Variants in DBT observed in about 807,000 individuals in gnomAD.
DBT encodes the protein lipoamide acyltransferase component of branched-chain alpha-keto acid dehydrogenase complex, mitochondrial.
Under a neutral mutation model 51.3 loss-of-function variants are expected in DBT, and 40 were observed. The ratio of observed to expected loss-of-function variants is 0.78; its 90% CI spans 0.61 to 1.02. The LOEUF is 1.02. DBT is among the 50% of genes least tolerant of loss of function. The probability of loss-of-function intolerance (pLI) is 0.00; values close to 1 mark genes in which losing one functional copy is unlikely to be tolerated. For synonymous variants in DBT, 181 were observed against 190.4 expected (o/e 0.95, Z 0.41); for missense variants, 510 against 580.2 (o/e 0.88, Z 1.24).
At chr1:100,215,029 T>A in intron 6 of DBT, 46 bp from the exon 7 acceptor site, 20 of 1,257,636 alleles carry the variant, frequency 1.6e-5, no homozygotes, top group Non-Finnish European at 2.2e-5. Context: ...TTCTCAAATC[T>A]CTTCATCCTT....
chr1:100,249,796 T>G lies in DBT; in HGVS notation c.25A>C (p.Thr9Pro). MAAVRMLRTWSRNAGKLIC... is the reference protein window; with the variant it reads MAAVRMLRPWSRNAGKLIC... ...AGCTTCCCCGCATTCCTGCTCCAGG[T>G]TCTCAGCATACGGACTGCAGCCATC... is the stretch of plus-strand genomic sequence containing the variant. Residue 9 changes from threonine (T) to proline (P), a missense_variant, in exon 1 of 11, where the codon ACC (threonine) becomes CCC (proline). Transcript: ENST00000370132. 6.2e-7 allele frequency: 1 copy of G among 1,614,192 alleles called. No homozygotes were observed. Among genetic ancestry groups the G allele is most frequent in the Non-Finnish European group, 8.5e-7 (1 of 1,180,018 alleles).
At chr1:100,203,554 T>A (rs1661575827) in intron 10 of DBT, among the ~76,000 whole-genome samples, 1 of 152,178 alleles carries the variant, frequency 6.6e-6, no homozygotes, top group Admixed American at 6.5e-5. Context: ...CTTCTGAAAC[T>A]ATTCCAAACA....
At chr1:100,231,640 C>T (rs1663560704) in intron 3 of DBT, among the ~76,000 whole-genome samples, 2 of 152,186 alleles carry the variant, frequency 1.3e-5, no homozygotes, top group Non-Finnish European at 2.9e-5. Flanking sequence ...GATAAAACAG[C>T]ACCCATGACA....
rs2101812091 is a variant in DBT, at chr1:100,188,389, C to A, written c.*7866G>T. ...TTTATAGCTGACTGCACTCTTAGAACTTCTCTACAGACTTTATGATCTTTT... is the reference window on the plus strand; with the variant it reads ...TTTATAGCTGACTGCACTCTTAGAAATTCTCTACAGACTTTATGATCTTTT... On this transcript the variant is annotated 3_prime_UTR_variant, in exon 11 of 11. Transcript: ENST00000370132. 1 of 152,306 alleles carries A rather than the reference C, an allele frequency of 6.6e-6. No homozygotes were observed. Among genetic ancestry groups the A allele is most frequent in the South Asian group, 2.1e-4 (1 of 4,822 alleles). 9.4% of individuals were successfully genotyped at this position (152,306 alleles called of 1,614,324 possible).
chr1:100,225,995 AAAAAC>A (rs888223659), intron 4 of DBT, among the ~76,000 whole-genome samples: 4 of 152,272 alleles, frequency 2.6e-5, no homozygotes, highest in East Asian at 1.9e-4. Flanking sequence ...CCCCATGTCA[AAAAAC>A]AAAACAAAAC....
At chr1:100,240,584 G>C (rs995077066) in intron 2 of DBT, among the ~76,000 whole-genome samples, 177 bp downstream of exon 2, 5 of 152,274 alleles carry the variant, frequency 3.3e-5, no homozygotes, top group Middle Eastern at 6.8e-3. Flanking sequence ...ATGTAAAAGA[G>C]AGGGATGAGA....
chr1:100,224,153 A>G (rs1420663252), intron 4 of DBT, among the ~76,000 whole-genome samples: 1 of 152,168 alleles, frequency 6.6e-6, no homozygotes, highest in Admixed American at 6.5e-5. Flanking sequence ...TCTAGTCTTG[A>G]TCTCTTCTAC....
At chr1:100,215,702 A>G (rs908419910) in intron 6 of DBT, among the ~76,000 whole-genome samples, 11 of 152,040 alleles carry the variant, frequency 7.2e-5, no homozygotes, top group African/African-American at 2.4e-4. Context: ...TGCACCTGTA[A>G]TCCCAGATAC....
In DBT at chr1:100,191,972, T is replaced by C. The variant is rs1366995623; in HGVS notation, c.*4283A>G. On this transcript the variant is annotated 3_prime_UTR_variant, in exon 11 of 11. Coordinates refer to ENST00000370132, the MANE Select transcript of DBT (RefSeq NM_001918.5). ...TAATTTTTTTTTTTTTTGGTATTTT[T>C]TGTTTTTTGGTTTTTTTGGTAGAGC... 1 of 151,958 alleles carries C rather than the reference T, an allele frequency of 6.6e-6. No individual in the cohort carries two copies. The highest frequency in any genetic ancestry group is 1.5e-5 in the Non-Finnish European group (1 of 68,046). 9.4% of individuals were successfully genotyped at this position (151,958 alleles called of 1,614,324 possible).
At chr1:100,220,763 T>C (rs1662803877) in intron 4 of DBT, among the ~76,000 whole-genome samples, 1 of 152,250 alleles carries the variant, frequency 6.6e-6, no homozygotes, top group Admixed American at 6.5e-5. Context: ...AATTCAGTCC[T>C]AGGGCTGACT....
intron 4 of DBT, among the ~76,000 whole-genome samples, chr1:100,221,075 A>G (rs1473762155): frequency 6.6e-6 from 1 of 152,228 alleles, no homozygotes; most frequent in East Asian, 1.9e-4. Flanking sequence ...AATATATAAC[A>G]TACAAAAATT....
rs1171633223 is a variant in DBT, at chr1:100,193,620, T to C, written c.*2635A>G. ...AGACATTTATTTATTTATTTATTTA[T>C]TTAGAGACAGAGTCTCGCTCTATCA... On this transcript the variant is annotated 3_prime_UTR_variant, in exon 11 of 11. Transcript: ENST00000370132. 2 of 152,220 alleles carry C rather than the reference T, an allele frequency of 1.3e-5. No homozygotes were observed. Among genetic ancestry groups the C allele is most frequent in the African/African-American group, 2.4e-5 (1 of 41,442 alleles). 9.4% of individuals were successfully genotyped at this position (152,220 alleles called of 1,614,324 possible).
chr1:100,220,502 T>C (rs1246557878), intron 4 of DBT, among the ~76,000 whole-genome samples: 2 of 152,170 alleles, frequency 1.3e-5, no homozygotes, highest in African/African-American at 2.4e-5. Flanking sequence ...TCCTCTTTAC[T>C]AGTCTATGAA....
chr1:100,243,954 AGAGACATAGGCAGTACGTGAT>A (rs1557962680), intron 1 of DBT, among the ~76,000 whole-genome samples: 2 of 148,234 alleles, frequency 1.3e-5, no homozygotes, highest in Non-Finnish European at 3.0e-5. Flanking sequence ...AAAAAAAAAA[AGAGACATAGGCAGTACGTGAT>A]AAAGGAGTTT....
At chr1:100,202,373 A>T (rs147431427) in intron 10 of DBT, among the ~76,000 whole-genome samples, 5,810 of 152,352 alleles carry the variant, frequency 0.038, 131 homozygotes, top group South Asian at 0.053. Flanking sequence ...TCCTAAATAT[A>T]TATGCACCCA....
intron 10 of DBT, among the ~76,000 whole-genome samples, chr1:100,202,418 T>C: frequency 6.6e-6 from 1 of 152,194 alleles, no homozygotes; most frequent in East Asian, 1.9e-4. Flanking sequence ...AGCAAGTTCT[T>C]AGAGACTGGC....
intron 10 of DBT, among the ~76,000 whole-genome samples, chr1:100,199,483 T>A (rs1049311590): frequency 7.2e-5 from 11 of 152,338 alleles, no homozygotes; most frequent in African/African-American, 2.4e-4. Context: ...CCTGGCATAA[T>A]CCACAATGGT....
intron 2 of DBT, among the ~76,000 whole-genome samples, chr1:100,237,080 A>G (rs368279758): frequency 6.6e-6 from 1 of 152,184 alleles, no homozygotes; most frequent in South Asian, 2.1e-4. Flanking sequence ...GCTTTGACAA[A>G]TAGAATATAA....
intron 8 of DBT, among the ~76,000 whole-genome samples, chr1:100,207,582 G>A (rs1038249589): frequency 3.3e-5 from 5 of 151,980 alleles, no homozygotes; most frequent in African/African-American, 1.2e-4. Flanking sequence ...AACACTTTGG[G>A]AGACTGACAC....
Sources: allele counts gnomAD v4.1 joint callset (sites outside exome capture counted in the v4.1 genomes callset), GRCh38; gene constraint gnomAD v4.1.1; transcripts MANE v1.5; gene names NCBI Gene and HGNC (gene_info 2026-07-23, HGNC 2026-07-21).